The following TMCO4 variants were observed in gnomAD, a reference collection of about 807,000 sequenced individuals.
TMCO4 encodes the protein transmembrane and coiled-coil domain-containing protein 4.
A neutral mutation model predicts 64.7 loss-of-function variants in TMCO4; 58 were observed. That is an observed-to-expected ratio of 0.90 (90% CI 0.73 to 1.12). TMCO4 has a LOEUF of 1.12. Among genes scored for constraint, TMCO4 ranks in the 50% most tolerant of loss-of-function variants. TMCO4 has a pLI of 0.00. For missense variants in TMCO4, 780 were observed against 825.9 expected (o/e 0.94, Z 0.68); for synonymous variants, 325 against 346.1 (o/e 0.94, Z 0.68).
chr1:19,682,787 A>G lies in TMCO4; in HGVS notation c.*253T>C. ...CTAACCTGTGCTTGGTTGACTCTGCAGGTCTCTGATGAGGGGGCAGCTGCT... is the reference window on the plus strand; with the variant it reads ...CTAACCTGTGCTTGGTTGACTCTGCGGGTCTCTGATGAGGGGGCAGCTGCT... On this transcript the variant is annotated 3_prime_UTR_variant, in exon 16 of 16. Coordinates refer to ENST00000294543, the MANE Select transcript of TMCO4 (RefSeq NM_181719.7). The G allele has an allele frequency of 1.4e-6, 1 of 717,830 alleles. No individual in the cohort carries two copies. The highest frequency in any genetic ancestry group is 2.6e-6 in the Non-Finnish European group (1 of 386,104). 44.5% of individuals were successfully genotyped at this position (717,830 alleles called of 1,614,324 possible). A position where few individuals can be genotyped will look rare whatever the true frequency, so the allele number is the denominator to read the frequency against.
chr1:19,720,820 T>C (rs2095379118), intron 13 of TMCO4, among the ~76,000 whole-genome samples: 1 of 152,110 alleles, frequency 6.6e-6, no homozygotes, highest in Non-Finnish European at 1.5e-5. Flanking sequence ...GTACTGGGTA[T>C]GCACTGACCC....
chr1:19,690,864 CTCT>C lies in TMCO4; in HGVS notation c.1500+3567_1500+3569del, dbSNP rs1414321563. ...TGTGAGCCAAGTCTATCTGTGAAGA[CTCT>C]TTTTTTTTTTTTTTTTTTTGAAACA... is the stretch of plus-strand genomic sequence containing the variant. On this transcript the variant is annotated intron_variant, in intron 15 of 15. Coordinates refer to ENST00000294543, the MANE Select transcript of TMCO4 (RefSeq NM_181719.7). 2.1e-3 allele frequency among the ~76,000 whole-genome samples: 206 copies of C among 99,118 alleles called. 1 individual carries two copies. The highest frequency in any genetic ancestry group is 2.7e-3 in the Admixed American group (26 of 9,720). 65.0% of individuals were successfully genotyped at this position (99,118 alleles called of 152,430 possible).
At chr1:19,755,566 C>T in intron 7 of TMCO4, 68 bp downstream of exon 7, 1 of 1,595,694 alleles carries the variant, frequency 6.3e-7, no homozygotes, top group Non-Finnish European at 8.5e-7. Context: ...GAAGGGGACT[C>T]TGTTATCTGC....
At chr1:19,793,880 T>C (rs1382080143) in intron 2 of TMCO4, among the ~76,000 whole-genome samples, 3 of 152,180 alleles carry the variant, frequency 2.0e-5, no homozygotes, top group Admixed American at 6.5e-5. Context: ...CTGCTTTTTT[T>C]CTGCCCTCAA....
chr1:19,764,891 AGCCAGGT>A (rs1195299383), intron 6 of TMCO4, among the ~76,000 whole-genome samples: 1 of 150,726 alleles, frequency 6.6e-6, no homozygotes, highest in Admixed American at 6.6e-5. Flanking sequence ...AGAACCCAGC[AGCCAGGT>A]GACAATATTT....
At position 19,745,701 on chromosome 1, in the gene TMCO4, G is replaced by A. The variant is rs182459639; in HGVS notation, c.758-50C>T. ...GAATGGAGGTGACTGGGGCCCCGGG[G>A]AACATCAGGGTGGCTGTATGTTCTC... On this transcript the variant is annotated intron_variant, in intron 9 of 15. Transcript: ENST00000294543. The A allele has an allele frequency of 1.0e-3, 1,628 of 1,560,104 alleles. 13 individuals are homozygous for A. The African/African-American group carries it at 0.017, about 16-fold the overall frequency.
chr1:19,743,952 C>A lies in TMCO4; in HGVS notation c.877+1580G>T, dbSNP rs528361999. Among the ~76,000 whole-genome samples the A allele has an allele frequency of 2.6e-5, 4 of 152,188 alleles. No homozygotes were observed. Among genetic ancestry groups the A allele is most frequent in the South Asian group, 2.1e-4 (1 of 4,832 alleles). On this transcript the variant is annotated intron_variant, in intron 10 of 15. Transcript: ENST00000294543. This position sits in a 1 kb window ranked among gnomAD's most constrained non-coding sequence, Gnocchi z 4.1. ...AGACTCAAGGTAGGTGTGAACGAGGCGCTCACTGAACGCTAGTGACCTCTG... is the reference window on the plus strand; with the variant it reads ...AGACTCAAGGTAGGTGTGAACGAGGAGCTCACTGAACGCTAGTGACCTCTG...
At chr1:19,799,342 T>A (rs2044485597) in intron 1 of TMCO4, 1 of 152,148 alleles carries the variant, frequency 6.6e-6, no homozygotes, top group Non-Finnish European at 1.5e-5. Context: ...AATTCTCTGT[T>A]TGAGAGTCTG....
chr1:19,769,458 T>C (rs761071), intron 6 of TMCO4, among the ~76,000 whole-genome samples: 151,862 of 152,296 alleles, frequency 1, 75,716 homozygotes, highest in Middle Eastern at 1. Context: ...CCTTCCCCTG[T>C]GGCTCCTTCC....
intron 3 of TMCO4, among the ~76,000 whole-genome samples, chr1:19,782,115 C>T (rs935387783): frequency 6.6e-6 from 1 of 152,242 alleles, no homozygotes; most frequent in Non-Finnish European, 1.5e-5. Flanking sequence ...CATGAATGCT[C>T]ACAGCAACTT....
intron 6 of TMCO4, among the ~76,000 whole-genome samples, chr1:19,758,162 C>A (rs1212822617): frequency 6.6e-6 from 1 of 152,166 alleles, no homozygotes; most frequent in Non-Finnish European, 1.5e-5. Context: ...TTTGAGGTTT[C>A]GGCTTCTGCA....
In TMCO4 at chr1:19,743,501, G is replaced by T. The variant is rs994102751; in HGVS notation, c.877+2031C>A. Among the ~76,000 whole-genome samples, 2 of 152,126 alleles carry T rather than the reference G, an allele frequency of 1.3e-5. No homozygotes were observed. Among genetic ancestry groups the T allele is most frequent in the African/African-American group, 4.8e-5 (2 of 41,412 alleles). Reference sequence around the variant, plus strand: ...TTCCTTCTGAAACTTTCTCTAGCTTGGTTGTATTTCTTTTACCCAGCCCTT... The same window carrying T: ...TTCCTTCTGAAACTTTCTCTAGCTTTGTTGTATTTCTTTTACCCAGCCCTT... On this transcript the variant is annotated intron_variant, in intron 10 of 15. Transcript: ENST00000294543. The surrounding 1 kb of genome is among the most constrained non-coding windows in gnomAD (Gnocchi z 4.1).
At chr1:19,775,539 G>A (rs950191328) in intron 4 of TMCO4, among the ~76,000 whole-genome samples, 1 of 152,194 alleles carries the variant, frequency 6.6e-6, no homozygotes, top group Non-Finnish European at 1.5e-5. Context: ...GCCCTTATTT[G>A]TGAGTAAAGT....
intron 6 of TMCO4, among the ~76,000 whole-genome samples, chr1:19,770,325 T>C (rs2042926433): frequency 6.6e-6 from 1 of 152,144 alleles, no homozygotes; most frequent in African/African-American, 2.4e-5. Context: ...CATAGGCCTA[T>C]TGTGAGGAAT....
intron 15 of TMCO4, among the ~76,000 whole-genome samples, chr1:19,683,742 C>T (rs982720775): frequency 3.5e-5 from 5 of 140,924 alleles, no homozygotes; most frequent in East Asian, 4.4e-4. Flanking sequence ...TAGAAGCTCT[C>T]GTTCTTTGTC....
intron 14 of TMCO4, among the ~76,000 whole-genome samples, chr1:19,698,381 G>A (rs2095250443): frequency 6.6e-6 from 1 of 152,152 alleles, no homozygotes; most frequent in Admixed American, 6.5e-5. Context: ...TGGGTCCCTG[G>A]GCAAGTCACT....
chr1:19,745,629 C>CA lies in TMCO4; in HGVS notation c.779dup (p.Ala262SerfsTer3). Reference sequence around the variant, plus strand: ...GAAACGTGAACTCTTCAATGGCTCCCACTCGCTTCTTCATCTTGTATCCTA... The same window carrying CA: ...GAAACGTGAACTCTTCAATGGCTCCCAACTCGCTTCTTCATCTTGTATCCTA... On this transcript the variant is annotated frameshift_variant, in exon 10 of 16. Coordinates refer to ENST00000294543, the MANE Select transcript of TMCO4 (RefSeq NM_181719.7). LOFTEE classifies it high-confidence loss of function. 1.9e-6 allele frequency: 3 copies of CA among 1,612,704 alleles called. No individual in the cohort carries two copies. Among genetic ancestry groups the CA allele is most frequent in the Non-Finnish European group, 2.5e-6 (3 of 1,179,030 alleles).
intron 3 of TMCO4, among the ~76,000 whole-genome samples, chr1:19,781,067 T>G (rs190557097): frequency 6.7e-6 from 1 of 150,000 alleles, no homozygotes; most frequent in Non-Finnish European, 1.5e-5. Context: ...GAATAGATAC[T>G]TCATAAAAGA....
At chr1:19,698,615 C>T (rs1194713802) in intron 14 of TMCO4, among the ~76,000 whole-genome samples, 2 of 152,194 alleles carry the variant, frequency 1.3e-5, no homozygotes, top group East Asian at 1.9e-4. Context: ...GCTAAAAGGC[C>T]TTTGGAGGCC....
Sources: gnomAD v4.1 joint callset for allele counts (sites outside exome capture counted in the v4.1 genomes callset) on GRCh38, gnomAD v4.1.1 for gene constraint, Gnocchi (gnomAD v3.1) non-coding constraint, MANE v1.5 for transcripts, NCBI Gene and HGNC (gene_info 2026-07-23, HGNC 2026-07-21) for gene names.